The following TDRD15 variants were observed in gnomAD, a reference collection of about 807,000 sequenced individuals.
TDRD15 encodes tudor domain containing 15, also known as tudor domain-containing protein 15.
For missense variants in TDRD15, 1,416 were observed against 904.7 expected, an observed-to-expected ratio of 1.57 and a Z score of -7.25; for synonymous variants, 503 against 314.5, an observed-to-expected ratio of 1.60 and a Z score of -6.34.
downstream of TDRD15, among the ~76,000 whole-genome samples, chr2:21,145,653 AT>A (rs1000871815): frequency 5.9e-5 from 9 of 152,062 alleles, no homozygotes. Flanking sequence ...GGTTTCACGG[AT>A]TAGTAATAAA....
intron 1 of TDRD15, among the ~76,000 whole-genome samples, chr2:21,124,673 A>G (rs1572292115): frequency 7.5e-6 from 1 of 133,958 alleles, no homozygotes; most frequent in East Asian, 2.3e-4. Flanking sequence ...TATGTGTGAC[A>G]GAGTGATCCT....
downstream of TDRD15, among the ~76,000 whole-genome samples, chr2:21,145,692 T>TA (rs1666019896): frequency 6.6e-6 from 1 of 151,980 alleles, no homozygotes; most frequent in Non-Finnish European, 1.5e-5. Flanking sequence ...ATCATAGCCT[T>TA]AAAACAAAAC....
intron 1 of TDRD15, among the ~76,000 whole-genome samples, chr2:21,127,184 T>C (rs1665613892): frequency 6.6e-6 from 1 of 152,210 alleles, no homozygotes. Context: ...TATTGAGTTG[T>C]AAAAGTTCTT....
intron 3 of TDRD15, among the ~76,000 whole-genome samples, chr2:21,135,665 G>A (rs758041926): frequency 1.3e-5 from 2 of 151,980 alleles, no homozygotes; most frequent in Non-Finnish European, 2.9e-5. Context: ...TTTCTACTGT[G>A]AAGATTTTCT....
chr2:21,139,594 T>A lies in TDRD15; in HGVS notation c.2127T>A (p.His709Gln), dbSNP rs1489175992. 3 of 715,050 alleles carry A rather than the reference T, an allele frequency of 4.2e-6. No homozygotes were observed. In the Admixed American group the frequency reaches 6.0e-5, roughly 14 times the overall value. The allele number at this position is 715,050 out of a possible 1,614,324, so 44.3% of individuals were successfully genotyped here. A position where few individuals can be genotyped will look rare whatever the true frequency, so the allele number is the denominator to read the frequency against. The stretch of plus-strand genomic sequence containing the variant: ...AAGGACCTAAATCTAAAAAGTACCA[T>A]TCAAATAACCTGGTGGAAAATAACT... Reference protein sequence around the residue: ...LLEGPKSKKYHSNNLVENNLS... With the variant: ...LLEGPKSKKYQSNNLVENNLS... The change falls in exon 4 of 4, where the codon CAT becomes CAA. Residue 709 changes from histidine (H) to glutamine (Q), a missense_variant. Physicochemically the swap from His to Gln is conservative, Grantham distance 24. Transcript: ENST00000405799.
In TDRD15 at chr2:21,144,044, A is replaced by G. The variant is rs1665992241; in HGVS notation, c.*772A>G. ...AGTGAGCTTCCTGCGCTTATTTTGA[A>G]GAATCATTTTTCTGTTATATATAGT... On this transcript the variant is annotated 3_prime_UTR_variant, in exon 4 of 4. Transcript: ENST00000405799. 6.6e-6 allele frequency among the ~76,000 whole-genome samples: 1 copy of G among 151,770 alleles called. No individual in the cohort carries two copies. Among genetic ancestry groups the G allele is most frequent in the Non-Finnish European group, 1.5e-5 (1 of 67,772 alleles).
intron 1 of TDRD15, among the ~76,000 whole-genome samples, chr2:21,124,367 C>A (rs1317776611): frequency 6.6e-6 from 1 of 151,930 alleles, no homozygotes; most frequent in African/African-American, 2.4e-5. Context: ...GAGAGAGACC[C>A]TAATGCCAGG....
At chr2:21,125,808 A>G (rs1429887228) in intron 1 of TDRD15, among the ~76,000 whole-genome samples, 3 of 152,160 alleles carry the variant, frequency 2.0e-5, no homozygotes, top group Non-Finnish European at 4.4e-5. Context: ...ATATGAACAC[A>G]TATTCATGTA....
chr2:21,140,132 A>T lies in TDRD15; in HGVS notation c.2665A>T (p.Asn889Tyr). 1.4e-6 allele frequency: 1 copy of T among 716,082 alleles called. No homozygotes were observed. Among genetic ancestry groups the T allele is most frequent in the Non-Finnish European group, 2.6e-6 (1 of 384,080 alleles). The allele number at this position is 716,082 out of a possible 1,614,324, so 44.4% of individuals were successfully genotyped here. Reference sequence around the variant, plus strand: ...AAGAAAAGCATTCAGAGACTTGTGGAATTTTATCTCTTCATCTAGAGGGTT... The same window carrying T: ...AAGAAAAGCATTCAGAGACTTGTGGTATTTTATCTCTTCATCTAGAGGGTT... ...WTRKAFRDLW[N>Y]FISSSRGLLT... Residue 889 changes from asparagine (N) to tyrosine (Y), a missense_variant, in exon 4 of 4, where the codon AAT (asparagine) becomes TAT (tyrosine). Coordinates refer to ENST00000405799, the MANE Select transcript of TDRD15 (RefSeq NM_001306137.2).
At chr2:21,125,083 G>A (rs1028872427) in intron 1 of TDRD15, among the ~76,000 whole-genome samples, 2 of 140,616 alleles carry the variant, frequency 1.4e-5, no homozygotes, top group Admixed American at 7.0e-5. Flanking sequence ...CTAATGTCAG[G>A]GTGTGTGAGT....
rs1421333002 is a variant in TDRD15, at chr2:21,139,735, A to T, written c.2268A>T (p.Thr756=). 1 of 715,472 alleles carries T rather than the reference A, an allele frequency of 1.4e-6. No homozygotes were observed. The highest frequency in any genetic ancestry group is 1.7e-5 in the African/African-American group (1 of 57,156). The allele number at this position is 715,472 out of a possible 1,614,324, so 44.3% of individuals were successfully genotyped here. ...PYKEYIFRPG[T]VLEVKCSCYY... ...AAGAATATATTTTTAGACCAGGAAC[A>T]GTTCTTGAAGTTAAATGTTCCTGTT... Residue 756 remains threonine, a synonymous_variant, in exon 4 of 4, where the codon ACA becomes ACT. Coordinates refer to ENST00000405799, the MANE Select transcript of TDRD15 (RefSeq NM_001306137.2).
chr2:21,141,690 C>T lies in TDRD15; in HGVS notation c.4223C>T (p.Ala1408Val), dbSNP rs113588790. The change falls in exon 4 of 4, where the codon GCT (alanine) becomes GTT (valine). Residue 1408 changes from alanine (A) to valine (V), a missense_variant. Ala to Val is a moderately conservative substitution (Grantham distance 64, BLOSUM62 0). Coordinates refer to ENST00000405799, the MANE Select transcript of TDRD15 (RefSeq NM_001306137.2). Reference sequence around the variant, plus strand: ...ACTGTTCCTCAGCTAGGAATCCATGCTTTTCTTAGTGGAGTAAAATGGAAT... The same window carrying T: ...ACTGTTCCTCAGCTAGGAATCCATGTTTTTCTTAGTGGAGTAAAATGGAAT... Reference protein sequence around the residue: ...FLTVPQLGIHAFLSGVKWNEP... With the variant: ...FLTVPQLGIHVFLSGVKWNEP... 17,320 of 715,250 alleles carry T rather than the reference C, an allele frequency of 0.024. 294 individuals are homozygous for T. Among genetic ancestry groups the T allele is most frequent in the Non-Finnish European group, 0.033 (12,687 of 383,550 alleles). The allele number at this position is 715,250 out of a possible 1,614,324, so 44.3% of individuals were successfully genotyped here. A position where few individuals can be genotyped will look rare whatever the true frequency, so the allele number is the denominator to read the frequency against.
chr2:21,128,131 A>T (rs950975901), intron 2 of TDRD15, among the ~76,000 whole-genome samples: 2 of 152,166 alleles, frequency 1.3e-5, no homozygotes, highest in Admixed American at 6.5e-5. Flanking sequence ...ATGAACTTTC[A>T]TTCTCCACGT....
chr2:21,135,832 T>TC (rs1432329122), intron 3 of TDRD15, among the ~76,000 whole-genome samples: 2 of 151,790 alleles, frequency 1.3e-5, no homozygotes, highest in African/African-American at 4.8e-5. Flanking sequence ...TCCCCAGGAG[T>TC]CCATCTGTAT....
chr2:21,133,836 G>C (rs1277593686), intron 2 of TDRD15, among the ~76,000 whole-genome samples: 1 of 151,996 alleles, frequency 6.6e-6, no homozygotes, highest in Non-Finnish European at 1.5e-5. Flanking sequence ...TCCAAATTGA[G>C]ATGTATGCTA....
At chr2:21,145,249 A>T (rs1444225270), downstream of TDRD15, among the ~76,000 whole-genome samples, 1 of 152,030 alleles carries the variant, frequency 6.6e-6, no homozygotes. Context: ...TAAGTAAGGA[A>T]CTGAGATATT....
chr2:21,129,696 A>T (rs1665680352), intron 2 of TDRD15, among the ~76,000 whole-genome samples: 1 of 152,028 alleles, frequency 6.6e-6, no homozygotes, highest in South Asian at 2.1e-4. Context: ...AGTTTTTTTT[A>T]AACTTTGATG....
At chr2:21,126,849 C>T (rs1356044487) in intron 1 of TDRD15, among the ~76,000 whole-genome samples, 2 of 152,136 alleles carry the variant, frequency 1.3e-5, no homozygotes, top group Non-Finnish European at 2.9e-5. Context: ...ATGACTGGGT[C>T]ATGTGGAAGG....
chr2:21,141,246 C>T lies in TDRD15; in HGVS notation c.3779C>T (p.Ser1260Leu), dbSNP rs1447104975. 4 of 712,844 alleles carry T rather than the reference C, an allele frequency of 5.6e-6. No individual in the cohort carries two copies. The highest frequency in any genetic ancestry group is 2.0e-5 in the Admixed American group (1 of 49,224). The allele number at this position is 712,844 out of a possible 1,614,324, so 44.2% of individuals were successfully genotyped here. A position where few individuals can be genotyped will look rare whatever the true frequency, so the allele number is the denominator to read the frequency against. The change falls in exon 4 of 4, where the codon TCA (serine) becomes TTA (leucine). Residue 1260 changes from serine (S) to leucine (L), a missense_variant. Transcript: ENST00000405799. ...RVGQKSVKVV[S>L]QSFIRALNQT... is the part of the protein sequence containing the mutation. Reference sequence around the variant, plus strand: ...GGCCAAAAATCAGTAAAGGTTGTATCACAGTCTTTTATCAGAGCATTAAAT... The same window carrying T: ...GGCCAAAAATCAGTAAAGGTTGTATTACAGTCTTTTATCAGAGCATTAAAT...
Sources: allele counts gnomAD v4.1 joint callset (sites outside exome capture counted in the v4.1 genomes callset), GRCh38; gene constraint gnomAD v4.1.1; transcripts MANE v1.5; gene names NCBI Gene and HGNC (gene_info 2026-07-23, HGNC 2026-07-21).